OIT3: variants seen among roughly 807,000 people sequenced by gnomAD.
The protein encoded by OIT3 is oncoprotein-induced transcript 3 protein.
OIT3 carries 41 observed loss-of-function variants against 52.2 expected under a neutral mutation model. The ratio of observed to expected loss-of-function variants is 0.79; its 90% CI spans 0.61 to 1.02. The LOEUF is 1.02. Ranked by LOEUF, OIT3 falls within the 50% of genes least tolerant of loss-of-function variation. The pLI is 0.00. For missense variants in OIT3, 634 were observed against 715.5 expected (o/e 0.89, Z 1.30); for synonymous variants, 244 against 276.9 (o/e 0.88, Z 1.18).
intron 3 of OIT3, 53 bp downstream of exon 3, chr10:72,900,537 C>G (rs112289910): frequency 1.3e-5 from 12 of 945,374 alleles, no homozygotes; most frequent in African/African-American, 8.1e-5. Flanking sequence ...AAGGACAAAT[C>G]AAAAACTCTT....
At chr10:72,897,821 C>G (rs1179924838) in intron 1 of OIT3, among the ~76,000 whole-genome samples, 1 of 152,200 alleles carries the variant, frequency 6.6e-6, no homozygotes, top group Non-Finnish European at 1.5e-5. Flanking sequence ...AACAGAATAG[C>G]TAATTCCTCT....
intron 6 of OIT3, chr10:72,917,527 A>G (rs1846084124): frequency 3.3e-6 from 2 of 599,970 alleles, no homozygotes; most frequent in Non-Finnish European, 6.1e-6. Flanking sequence ...TTTATCAAAC[A>G]TGGTAGGGAA....
intron 1 of OIT3, among the ~76,000 whole-genome samples, chr10:72,898,120 C>CAAAAA (rs59034984): frequency 7.5e-6 from 1 of 132,594 alleles, no homozygotes. Flanking sequence ...CTATCTCTAC[C>CAAAAA]AAAAAAAAAA....
intron 1 of OIT3, among the ~76,000 whole-genome samples, chr10:72,895,301 TC>T (rs1297746573): frequency 6.6e-6 from 1 of 152,184 alleles, no homozygotes; most frequent in Non-Finnish European, 1.5e-5. Context: ...TCCCCTTTCT[TC>T]CCACCCTTCT....
At chr10:72,929,881 C>G (rs1444430591) in intron 7 of OIT3, among the ~76,000 whole-genome samples, 1 of 152,092 alleles carries the variant, frequency 6.6e-6, no homozygotes, top group African/African-American at 2.4e-5. Flanking sequence ...CTGAAGTGAA[C>G]CTAGGTGTTT....
At position 72,924,605 on chromosome 10, in the gene OIT3, A is replaced by G. The variant is rs368402844; in HGVS notation, c.1328A>G (p.Lys443Arg). 7 of 1,613,604 alleles carry G rather than the reference A, an allele frequency of 4.3e-6. No homozygotes were observed. Among genetic ancestry groups the G allele is most frequent in the Non-Finnish European group, 5.9e-6 (7 of 1,179,788 alleles). ...VESCFATPTS[K>R]IDEVLKYYLI... Reference sequence around the variant, plus strand: ...AGCTGCTTTGCCACCCCCACCTCCAAGATCGACGAGGTCCTGAAATACTAC... The same window carrying G: ...AGCTGCTTTGCCACCCCCACCTCCAGGATCGACGAGGTCCTGAAATACTAC... The change falls in exon 7 of 9, where the codon AAG (lysine) becomes AGG (arginine). Residue 443 changes from lysine (K) to arginine (R), a missense_variant. By Grantham distance (26) the Lys-to-Arg change is conservative (BLOSUM62 2). Transcript: ENST00000334011.
chr10:72,931,405 T>G (rs540882383), intron 8 of OIT3, among the ~76,000 whole-genome samples: 4 of 152,262 alleles, frequency 2.6e-5, no homozygotes, highest in African/African-American at 9.6e-5. Context: ...GGCAGGTCAC[T>G]TGAGCCCAGA....
chr10:72,903,238 T>A (rs939192687), intron 3 of OIT3, among the ~76,000 whole-genome samples: 1 of 152,216 alleles, frequency 6.6e-6, no homozygotes, highest in East Asian at 1.9e-4. Flanking sequence ...CTTTTCTTTT[T>A]TTTTGAGATG....
chr10:72,917,875 G>A (rs1846086701), intron 6 of OIT3: 2 of 1,284,314 alleles, frequency 1.6e-6, no homozygotes, highest in Non-Finnish European at 2.2e-6. Context: ...GTTGATGATG[G>A]TTTTGAGTCT....
In OIT3 at chr10:72,893,807, A is replaced by G. The variant is rs769479489; in HGVS notation, c.9A>G (p.Pro3=). Residue 3 remains proline (P), a synonymous_variant, in exon 1 of 9, where the codon CCA becomes CCG. Transcript: ENST00000334011. ...GCAGTTGGTCCAGAAGGATGCCTCC[A>G]TTCCTGCTTCTCACCTGCCTCTTCA... MP[P]FLLLTCLFIT... 1.2e-5 allele frequency: 20 copies of G among 1,610,454 alleles called. No homozygotes were observed. Among genetic ancestry groups the G allele is most frequent in the Non-Finnish European group, 1.5e-5 (18 of 1,178,450 alleles).
chr10:72,932,430 G>T lies in OIT3; in HGVS notation c.1544G>T (p.Arg515Leu). The change falls in exon 9 of 9, where the codon CGG (arginine) becomes CTG (leucine). Residue 515 changes from arginine to leucine, a missense_variant. By Grantham distance (102) the Arg-to-Leu change is moderately radical (BLOSUM62 -2). Coordinates refer to ENST00000334011, the MANE Select transcript of OIT3 (RefSeq NM_152635.3). ...ERSRCAQGCH[R>L]RMRRGAGGED... ...TCCCGCTGTGCCCAGGGTTGCCACCGGCGAATGCGTCGTGGGGCAGGAGGA... is the reference window on the plus strand; with the variant it reads ...TCCCGCTGTGCCCAGGGTTGCCACCTGCGAATGCGTCGTGGGGCAGGAGGA... 1 of 1,614,188 alleles carries T rather than the reference G, an allele frequency of 6.2e-7. No individual in the cohort carries two copies. The highest frequency in any genetic ancestry group is 8.5e-7 in the Non-Finnish European group (1 of 1,180,012).
chr10:72,907,088 A>G (rs1310830216), intron 4 of OIT3, among the ~76,000 whole-genome samples: 1 of 152,004 alleles, frequency 6.6e-6, no homozygotes, highest in African/African-American at 2.4e-5. Flanking sequence ...GCAACATAGT[A>G]AGACACTACC....
At chr10:72,906,538 G>A (rs1033113890) in intron 3 of OIT3, 58 bp from the exon 4 acceptor site, 39 of 1,604,446 alleles carry the variant, frequency 2.4e-5, no homozygotes, top group Admixed American at 3.4e-5. Context: ...TGCCCGGGGG[G>A]TTGGGAAAAG....
chr10:72,927,199 C>T (rs540905402), intron 7 of OIT3, among the ~76,000 whole-genome samples: 9 of 152,166 alleles, frequency 5.9e-5, no homozygotes, highest in East Asian at 1.9e-4. Context: ...AGTGCAGTGG[C>T]GCAATCTCAG....
At chr10:72,918,225 C>T in intron 6 of OIT3, 1 of 847,432 alleles carries the variant, frequency 1.2e-6, no homozygotes, top group South Asian at 1.3e-5. Flanking sequence ...CCCTAAACCA[C>T]ACTTCAACTG....
In OIT3 at chr10:72,930,635, A is replaced by G. The variant is rs761974096; in HGVS notation, c.1465A>G (p.Lys489Glu). The stretch of plus-strand genomic sequence containing the variant: ...CTTCAAGTTTGTGGGCAAAGACCAC[A>G]AGGTGAGTTGAACATCTTTAATTTA... ...PVFKFVGKDH[K>E]EVFLHCRVLV... Residue 489 changes from lysine (K) to glutamate (E), a missense_variant and splice_region_variant, in exon 8 of 9, where the codon AAG becomes GAG. Transcript: ENST00000334011. The G allele has an allele frequency of 8.8e-6, 14 of 1,598,756 alleles. No homozygotes were observed. Among genetic ancestry groups the G allele is most frequent in the Non-Finnish European group, 1.2e-5 (14 of 1,167,116 alleles).
chr10:72,908,104 G>A (rs892857164), intron 4 of OIT3, among the ~76,000 whole-genome samples: 11 of 152,140 alleles, frequency 7.2e-5, no homozygotes, highest in South Asian at 2.1e-4. Context: ...TTAGCTGGGC[G>A]TGGTGGCGGG....
intron 4 of OIT3, among the ~76,000 whole-genome samples, chr10:72,909,694 T>A (rs991526167): frequency 6.6e-6 from 1 of 152,008 alleles, no homozygotes. Context: ...GCCTCCCAGG[T>A]CAAGCGATTC....
rs1335522142 is a variant in OIT3 at position 72,900,514 on chromosome 10, C to T, written c.544+30C>T. 5.7e-6 allele frequency: 7 copies of T among 1,221,316 alleles called. No individual in the cohort carries two copies. In the Admixed American group the frequency reaches 1.3e-4, roughly 23 times the overall value. The allele number at this position is 1,221,316 out of a possible 1,614,324, so 75.7% of individuals were successfully genotyped here. A position where few individuals can be genotyped will look rare whatever the true frequency, so the allele number is the denominator to read the frequency against. Reference sequence around the variant, plus strand: ...GAAACTCATCAAAGGTAGAATCAGGCTATTAGGATCGAAAGGACAAATCAA... The same window carrying T: ...GAAACTCATCAAAGGTAGAATCAGGTTATTAGGATCGAAAGGACAAATCAA... On this transcript the variant is annotated intron_variant, in intron 3 of 8. Transcript: ENST00000334011.
Sources: gnomAD v4.1 joint callset for allele counts (sites outside exome capture counted in the v4.1 genomes callset) on GRCh38, gnomAD v4.1.1 for gene constraint, MANE v1.5 for transcripts, NCBI Gene and HGNC (gene_info 2026-07-23, HGNC 2026-07-21) for gene names.